The following SEMA5A variants were observed in gnomAD, a reference collection of about 807,000 sequenced individuals.
The protein encoded by SEMA5A is semaphorin 5A.
Under a neutral mutation model 135.5 loss-of-function variants are expected in SEMA5A, and 55 were observed. That is an observed-to-expected ratio of 0.41 (90% CI 0.33 to 0.51). SEMA5A has a LOEUF of 0.51. SEMA5A is among the 20% of genes least tolerant of loss of function. The probability of loss-of-function intolerance (pLI) is 0.37; values close to 1 mark genes in which losing one functional copy is unlikely to be tolerated. For synonymous variants in SEMA5A, 580 were observed against 546.5 expected, an observed-to-expected ratio of 1.06 and a Z score of -0.85; for missense variants, 1,290 against 1,419.9, an observed-to-expected ratio of 0.91 and a Z score of 1.47.
intron 18 of SEMA5A, 61 bp from the exon 19 acceptor site, chr5:9,054,318 T>C: frequency 6.5e-7 from 1 of 1,549,804 alleles, no homozygotes. Context: ...GTGAAAGGAG[T>C]TACTAAATGG....
chr5:9,483,360 G>A (rs399271), intron 1 of SEMA5A, among the ~76,000 whole-genome samples: 148,022 of 152,302 alleles, frequency 0.97, 72,160 homozygotes, highest in Non-Finnish European at 1. Flanking sequence ...TGCATAATGT[G>A]TCTGACAATT....
chr5:9,286,729 C>T (rs1037222114), intron 5 of SEMA5A, among the ~76,000 whole-genome samples: 5 of 151,140 alleles, frequency 3.3e-5, no homozygotes, highest in Admixed American at 3.3e-4. Flanking sequence ...CACACATACA[C>T]ACACACACAC....
In SEMA5A at chr5:9,351,589, T is replaced by C. The variant is rs150326318; in HGVS notation, c.125-13777A>G. On this transcript the variant is annotated intron_variant, in intron 3 of 22. Transcript: ENST00000382496. Reference sequence around the variant, plus strand: ...AAAAAATAATAGACATTCCATTCCATTTTTCATTATTTTATTGAGCAATTA... The same window carrying C: ...AAAAAATAATAGACATTCCATTCCACTTTTCATTATTTTATTGAGCAATTA... Among the ~76,000 whole-genome samples, 107 of 152,282 alleles carry C rather than the reference T, an allele frequency of 7.0e-4. 1 individual carries two copies. In the Middle Eastern group the frequency reaches 0.014, roughly 19 times the overall value.
intron 1 of SEMA5A, among the ~76,000 whole-genome samples, chr5:9,463,861 C>G (rs1247652783): frequency 6.6e-6 from 1 of 152,218 alleles, no homozygotes; most frequent in Non-Finnish European, 1.5e-5. Context: ...CCACACCCCC[C>G]TGAAGGTGTT....
intron 11 of SEMA5A, among the ~76,000 whole-genome samples, chr5:9,155,444 AG>A (rs1372973033): frequency 6.6e-6 from 1 of 152,042 alleles, no homozygotes; most frequent in African/African-American, 2.4e-5. Context: ...TTCCCAGCTT[AG>A]GGGGACACAC....
chr5:9,504,828 T>C (rs1735789457), intron 1 of SEMA5A, among the ~76,000 whole-genome samples: 1 of 152,272 alleles, frequency 6.6e-6, no homozygotes, highest in South Asian at 2.1e-4. Context: ...TATACCCTGA[T>C]GTCCAATCAA....
In SEMA5A at chr5:9,037,758, C is replaced by T. The variant is rs1164394562; in HGVS notation, c.*5139G>A. 4 of 152,064 alleles carry T rather than the reference C, an allele frequency of 2.6e-5. No homozygotes were observed. The highest frequency in any genetic ancestry group is 1.3e-4 in the Admixed American group (2 of 15,262). The allele number at this position is 152,064 out of a possible 1,614,324, so 9.4% of individuals were successfully genotyped here. A position where few individuals can be genotyped will look rare whatever the true frequency, so the allele number is the denominator to read the frequency against. ...ATTTTCCTTTGCTTTATTAGGTTAA[C>T]ATAGCAGATAACCTGAATTCCTTGG... On this transcript the variant is annotated 3_prime_UTR_variant, in exon 23 of 23. Transcript: ENST00000382496.
At chr5:9,045,139 C>A (rs1561096442) in intron 21 of SEMA5A, among the ~76,000 whole-genome samples, 1 of 152,048 alleles carries the variant, frequency 6.6e-6, no homozygotes, top group Non-Finnish European at 1.5e-5. Flanking sequence ...TTTGGAGTGA[C>A]CTTAAACTTT....
intron 11 of SEMA5A, among the ~76,000 whole-genome samples, chr5:9,167,317 G>C (rs1743664284): frequency 6.6e-6 from 1 of 152,072 alleles, no homozygotes. Flanking sequence ...CTTCAAAGAA[G>C]GATTTCCAAC....
chr5:9,451,786 T>C lies in SEMA5A; in HGVS notation c.-174-13934A>G, dbSNP rs535679271. On this transcript the variant is annotated intron_variant, in intron 1 of 22. Transcript: ENST00000382496. ...AGAAATGGCCCAGGTTTCTTGATTC[T>C]CTCTGCTGTGAACCTGGGGCCATGT... Among the ~76,000 whole-genome samples the C allele has an allele frequency of 6.6e-5, 10 of 152,310 alleles. No homozygotes were observed. In the South Asian group the frequency reaches 2.1e-3, roughly 32 times the overall value.
rs149330270 is a variant in SEMA5A at position 9,531,524 on chromosome 5, C to T, written c.-175+14060G>A. On this transcript the variant is annotated intron_variant, in intron 1 of 22. Transcript: ENST00000382496. The stretch of plus-strand genomic sequence containing the variant: ...CCTCAGGGCATGCAGACACACAGGA[C>T]TCTTTCTGTCATTCACTGTCCCACA... 6.4e-3 allele frequency among the ~76,000 whole-genome samples: 970 copies of T among 152,270 alleles called. 6 individuals are homozygous for T. Among genetic ancestry groups the T allele is most frequent in the Middle Eastern group, 0.01 (3 of 294 alleles).
rs1735629616 is a variant in SEMA5A, at chr5:9,035,927, C to G, written c.*6970G>C. 8.4e-6 allele frequency: 1 copy of G among 118,886 alleles called. No individual in the cohort carries two copies. The allele number at this position is 118,886 out of a possible 1,614,324, so 7.4% of individuals were successfully genotyped here. A position where few individuals can be genotyped will look rare whatever the true frequency, so the allele number is the denominator to read the frequency against. On this transcript the variant is annotated 3_prime_UTR_variant, in exon 23 of 23. Transcript: ENST00000382496. ...GATCAGTAACTGTCTGCAAGCTTAC[C>G]AAGGGCTGAAATTGGCTTTGGAGGA...
intron 11 of SEMA5A, among the ~76,000 whole-genome samples, chr5:9,157,128 G>T (rs1435493916): frequency 6.6e-6 from 1 of 152,138 alleles, no homozygotes; most frequent in African/African-American, 2.4e-5. Flanking sequence ...GTCATGTGAC[G>T]AGTCCCCTCC....
rs1395226100 is a variant in SEMA5A at position 9,508,018 on chromosome 5, G to GA, written c.-175+37565dup. On this transcript the variant is annotated intron_variant, in intron 1 of 22. Transcript: ENST00000382496. The stretch of plus-strand genomic sequence containing the variant: ...GACTCTGTCTCAAAAAAAAAAAAAA[G>GA]AAAAGAAAAAAAGAAAAAACTTCAG... Among the ~76,000 whole-genome samples, 10 of 21,610 alleles carry GA rather than the reference G, an allele frequency of 4.6e-4. No homozygotes were observed. The South Asian group carries it at 0.012, about 25-fold the overall frequency. The allele number at this position is 21,610 out of a possible 152,430, so 14.2% of individuals were successfully genotyped here.
At chr5:9,052,074 C>CTCAA in intron 19 of SEMA5A, 46 bp from the exon 20 acceptor site, 2 of 1,507,092 alleles carry the variant, frequency 1.3e-6, no homozygotes, top group Non-Finnish European at 1.8e-6. Context: ...GGCCAGTAAG[C>CTCAA]TCAATCATCC....
intron 18 of SEMA5A, among the ~76,000 whole-genome samples, chr5:9,061,814 C>A (rs990958008): frequency 1.3e-5 from 2 of 152,144 alleles, no homozygotes; most frequent in Admixed American, 1.3e-4. Flanking sequence ...GAAGAGTTTG[C>A]GTCTTTGGAG....
chr5:9,438,392 T>A (rs918917016), intron 1 of SEMA5A, among the ~76,000 whole-genome samples: 24 of 152,178 alleles, frequency 1.6e-4, no homozygotes, highest in Non-Finnish European at 3.4e-4. Context: ...GAATGATGCA[T>A]CGTGAAAAAC....
chr5:9,154,728 G>A, intron 11 of SEMA5A, 33 bp from the exon 12 acceptor site: 1 of 1,583,354 alleles, frequency 6.3e-7, no homozygotes, highest in Non-Finnish European at 8.7e-7. Flanking sequence ...AGGAAACAAG[G>A]TCAGAGGGTC....
chr5:9,504,233 A>AC (rs1735751012), intron 1 of SEMA5A, among the ~76,000 whole-genome samples: 2 of 151,514 alleles, frequency 1.3e-5, no homozygotes, highest in Non-Finnish European at 2.9e-5. Flanking sequence ...AGAAAAAAAA[A>AC]AAAAAACAAA....
Sources: allele counts gnomAD v4.1 joint callset (sites outside exome capture counted in the v4.1 genomes callset), GRCh38; gene constraint gnomAD v4.1.1; transcripts MANE v1.5; gene names NCBI Gene and HGNC (gene_info 2026-07-23, HGNC 2026-07-21).